Variants in MBOAT1 observed in about 807,000 individuals in gnomAD.
The protein encoded by MBOAT1 is membrane bound glycerophospholipid O-acyltransferase 1.
A neutral mutation model predicts 64.4 loss-of-function variants in MBOAT1; 67 were observed. The observed-to-expected ratio is 1.04, with a 90% CI of 0.85 to 1.27. The LOEUF (loss-of-function observed/expected upper bound fraction) is 1.27, where lower values mean the gene tolerates loss of function less well. Ranked by LOEUF, MBOAT1 falls within the 50% of genes most tolerant of loss-of-function variation. The pLI, the probability that MBOAT1 is intolerant of heterozygous loss-of-function variation, is 0.00. For missense variants in MBOAT1, 563 were observed against 604.6 expected (o/e 0.93, Z 0.72); for synonymous variants, 229 against 218.9 (o/e 1.05, Z -0.41).
Position 20,126,682 on chromosome 6 carries a change from C to CA in MBOAT1, c.548dup (p.Leu183PhefsTer19). 2 of 1,605,590 alleles carry CA rather than the reference C, an allele frequency of 1.2e-6. No individual in the cohort carries two copies. The highest frequency in any genetic ancestry group is 2.2e-5 in the South Asian group (2 of 89,170). On this transcript the variant is annotated frameshift_variant, in exon 7 of 13. Transcript: ENST00000324607. LOFTEE classifies it high-confidence loss of function. ...AATTGAGAAGGTAACTTAAGTATTCCAAAAAAGAGGGTTTCACTCTGTGAA... is the reference window on the plus strand; with the variant it reads ...AATTGAGAAGGTAACTTAAGTATTCCAAAAAAAGAGGGTTTCACTCTGTGAA...
intron 1 of MBOAT1, among the ~76,000 whole-genome samples, chr6:20,166,397 C>G (rs1459446545): frequency 6.6e-6 from 1 of 152,094 alleles, no homozygotes; most frequent in Non-Finnish European, 1.5e-5. Flanking sequence ...TAACTCCCTC[C>G]CACTCTCCTT....
intron 1 of MBOAT1, among the ~76,000 whole-genome samples, chr6:20,196,635 T>G (rs559009896): frequency 9.9e-5 from 15 of 152,172 alleles, no homozygotes; most frequent in Admixed American, 5.9e-4. Flanking sequence ...CCAAGGCAGG[T>G]GGATCACCTG....
At chr6:20,119,812 CAG>C (rs1760439717) in intron 8 of MBOAT1, among the ~76,000 whole-genome samples, 1 of 152,106 alleles carries the variant, frequency 6.6e-6, no homozygotes, top group Non-Finnish European at 1.5e-5. Context: ...TCGTGAGTGA[CAG>C]AGATCAATGA....
intron 9 of MBOAT1, among the ~76,000 whole-genome samples, chr6:20,117,655 C>A (rs1272527733): frequency 1.3e-5 from 2 of 152,184 alleles, no homozygotes; most frequent in African/African-American, 4.8e-5. Context: ...CACATACAAC[C>A]CCTCCTGCCC....
At chr6:20,139,423 C>A (rs767108450) in intron 4 of MBOAT1, among the ~76,000 whole-genome samples, 3 of 151,540 alleles carry the variant, frequency 2.0e-5, no homozygotes, top group Non-Finnish European at 2.9e-5. Context: ...CTCATCTTAT[C>A]TTAACTAATT....
chr6:20,136,804 T>C (rs1482469112), intron 4 of MBOAT1, among the ~76,000 whole-genome samples: 4 of 152,260 alleles, frequency 2.6e-5, no homozygotes, highest in African/African-American at 7.2e-5. Context: ...ATTATAGTAA[T>C]ATAAAAGAGT....
At chr6:20,167,847 C>G (rs1389779586) in intron 1 of MBOAT1, among the ~76,000 whole-genome samples, 10 of 152,188 alleles carry the variant, frequency 6.6e-5, no homozygotes. Context: ...TGTCACCACA[C>G]GAACTGTACG....
chr6:20,152,342 A>AAAT (rs1761526235), intron 2 of MBOAT1, among the ~76,000 whole-genome samples: 1 of 38,874 alleles, frequency 2.6e-5, no homozygotes, highest in African/African-American at 5.5e-5. Context: ...AAAAAAATAA[A>AAAT]AAATAAATAA....
intron 1 of MBOAT1, among the ~76,000 whole-genome samples, chr6:20,198,174 G>T (rs984696863): frequency 6.7e-6 from 1 of 149,256 alleles, no homozygotes; most frequent in Admixed American, 6.7e-5. Flanking sequence ...GTTGCAGTGA[G>T]CCAAGATCGT....
chr6:20,101,132 T>C lies in MBOAT1; in HGVS notation c.*1154A>G, dbSNP rs1411031969. 6.6e-6 allele frequency among the ~76,000 whole-genome samples: 1 copy of C among 152,158 alleles called. No homozygotes were observed. The highest frequency in any genetic ancestry group is 1.5e-5 in the Non-Finnish European group (1 of 68,018). On this transcript the variant is annotated 3_prime_UTR_variant, in exon 13 of 13. Transcript: ENST00000324607. ...CAACTGCTTCTTCTTACCAAACTTC[T>C]ATATAACTTCAAATTACTTTAAAAA...
intron 1 of MBOAT1, among the ~76,000 whole-genome samples, chr6:20,203,696 T>C (rs184512049): frequency 6.6e-6 from 1 of 152,196 alleles, no homozygotes; most frequent in African/African-American, 2.4e-5. Flanking sequence ...AGCAATTATT[T>C]TGGACCGAGC....
intron 1 of MBOAT1, among the ~76,000 whole-genome samples, chr6:20,201,741 C>T (rs190524472): frequency 4.0e-5 from 6 of 151,890 alleles, no homozygotes; most frequent in East Asian, 1.9e-4. Context: ...TCACCACACC[C>T]GGCTAATTTT....
In MBOAT1 at chr6:20,101,218, G is replaced by C. The variant is rs184141250; in HGVS notation, c.*1068C>G. On this transcript the variant is annotated 3_prime_UTR_variant, in exon 13 of 13. Coordinates refer to ENST00000324607, the MANE Select transcript of MBOAT1 (RefSeq NM_001080480.3). Reference sequence around the variant, plus strand: ...CATGAACATTTGGGTGTCTTCTCAAGACCAACCCCGGGCAAGCAGGTGGCG... The same window carrying C: ...CATGAACATTTGGGTGTCTTCTCAACACCAACCCCGGGCAAGCAGGTGGCG... Among the ~76,000 whole-genome samples, 2 of 152,256 alleles carry C rather than the reference G, an allele frequency of 1.3e-5. No homozygotes were observed. Among genetic ancestry groups the C allele is most frequent in the East Asian group, 3.9e-4 (2 of 5,178 alleles).
chr6:20,130,711 A>C (rs1760798612), intron 5 of MBOAT1, among the ~76,000 whole-genome samples: 2 of 152,034 alleles, frequency 1.3e-5, no homozygotes, highest in South Asian at 4.1e-4. Flanking sequence ...CAAAAAAAAA[A>C]ACAAACAAAA....
chr6:20,111,879 T>TACATATATATACATATATATAC (rs1581396161), intron 11 of MBOAT1, among the ~76,000 whole-genome samples: 7 of 76,166 alleles, frequency 9.2e-5, no homozygotes, highest in African/African-American at 3.0e-4. Context: ...CATATATATA[T>TACATATATATACATATATATAC]GTATATATAT....
At chr6:20,186,244 C>T (rs1762649590) in intron 1 of MBOAT1, among the ~76,000 whole-genome samples, 3 of 152,178 alleles carry the variant, frequency 2.0e-5, no homozygotes, top group Non-Finnish European at 4.4e-5. Context: ...CTGAATTTTG[C>T]TGAAAGCCAA....
intron 2 of MBOAT1, 87 bp downstream of exon 2, chr6:20,152,537 T>A (rs1761546357): frequency 3.0e-6 from 4 of 1,346,550 alleles, no homozygotes; most frequent in Middle Eastern, 2.0e-4. Context: ...TATAATGCCA[T>A]CTATTTCTGG....
intron 1 of MBOAT1, among the ~76,000 whole-genome samples, chr6:20,167,872 T>C (rs1270989896): frequency 6.6e-6 from 1 of 152,186 alleles, no homozygotes; most frequent in African/African-American, 2.4e-5. Flanking sequence ...ATGCTAGATA[T>C]TATTAGTATC....
intron 6 of MBOAT1, among the ~76,000 whole-genome samples, chr6:20,127,877 G>T (rs968707620): frequency 2.6e-5 from 4 of 151,964 alleles, no homozygotes; most frequent in African/African-American, 9.7e-5. Flanking sequence ...CCACTAAACT[G>T]GTCCCAAACA....
Sources: gnomAD v4.1 joint callset for allele counts (sites outside exome capture counted in the v4.1 genomes callset) on GRCh38, gnomAD v4.1.1 for gene constraint, MANE v1.5 for transcripts, NCBI Gene and HGNC (gene_info 2026-07-23, HGNC 2026-07-21) for gene names.